The following MT1X variants were observed in gnomAD, a reference collection of about 807,000 sequenced individuals.
MT1X encodes the protein metallothionein 1X.
MT1X carries 7 observed loss-of-function variants against 8.6 expected under a neutral mutation model. The observed-to-expected ratio is 0.81, with a 90% confidence interval of 0.46 to 1.52. The LOEUF (loss-of-function observed/expected upper bound fraction) is 1.52. Among genes scored for constraint, MT1X ranks in the 40% most tolerant of loss-of-function variants. The probability of loss-of-function intolerance (pLI) is 0.01; values close to 1 mark genes in which losing one functional copy is unlikely to be tolerated. For synonymous variants in MT1X, 25 were observed against 27.6 expected (o/e 0.91, Z 0.30); for missense variants, 72 against 74.3 (o/e 0.97, Z 0.11).
chr16:56,682,919 G>C (rs570807481), intron 1 of MT1X: 215 of 602,836 alleles, frequency 3.6e-4, no homozygotes, highest in Admixed American at 2.1e-3. Flanking sequence ...CTGGCCTCCT[G>C]TCTTAGCCTT....
At chr16:56,683,256 T>A in intron 2 of MT1X, 26 bp downstream of exon 2, 1 of 1,613,318 alleles carries the variant, frequency 6.2e-7, no homozygotes, top group Non-Finnish European at 8.5e-7. Flanking sequence ...TCCCTGCGAA[T>A]CTGGGGGATG....
rs528079572 is a variant in MT1X, at chr16:56,683,336, C to G, written c.94+106C>G. ...GGCCAATGACCAGCTTCCCCAAACC[C>G]CTCCTTCAACACCTGATTCAGAATC... On this transcript the variant is annotated intron_variant, in intron 2 of 2. Transcript: ENST00000394485. The G allele has an allele frequency of 1.2e-5, 15 of 1,286,914 alleles. No homozygotes were observed. The East Asian group carries it at 3.6e-4, about 31-fold the overall frequency. The allele number at this position is 1,286,914 out of a possible 1,614,324, so 79.7% of individuals were successfully genotyped here.
chr16:56,683,029 C>T (rs1050772810), intron 1 of MT1X, 136 bp from the exon 2 acceptor site: 8 of 1,049,108 alleles, frequency 7.6e-6, no homozygotes, highest in Admixed American at 4.4e-5. Flanking sequence ...GGCTTCTCTT[C>T]CTCTCCCCTG....
In MT1X at chr16:56,683,238, C is replaced by T; in HGVS notation, c.94+8C>T. The T allele has an allele frequency of 6.2e-7, 1 of 1,613,780 alleles. No individual in the cohort carries two copies. ...GCACCTCCTGCAAGAAGAGTGAGTG[C>T]AGGGCCTTCCCTGCGAATCTGGGGG... On this transcript the variant is annotated splice_region_variant and intron_variant, in intron 2 of 2. Transcript: ENST00000394485.
In MT1X at chr16:56,684,103, A is replaced by AT. The variant is rs34700091; in HGVS notation, c.*74dup. ...AATAGAGCAACCTATATAAACCTGGATTTTTTTTTTTTTTTTTTTTGTACA... is the reference window on the plus strand; with the variant it reads ...AATAGAGCAACCTATATAAACCTGGATTTTTTTTTTTTTTTTTTTTTGTACA... On this transcript the variant is annotated 3_prime_UTR_variant, in exon 3 of 3. Coordinates refer to ENST00000394485, the MANE Select transcript of MT1X (RefSeq NM_005952.4). 50,356 of 1,258,944 alleles carry AT rather than the reference A, an allele frequency of 0.04. 31 individuals are homozygous for AT. Among genetic ancestry groups the AT allele is most frequent in the South Asian group, 0.059 (3,781 of 63,564 alleles). The allele number at this position is 1,258,944 out of a possible 1,614,324, so 78.0% of individuals were successfully genotyped here.
At chr16:56,683,263 G>A (rs1343775616) in intron 2 of MT1X, 33 bp downstream of exon 2, 2 of 1,612,722 alleles carry the variant, frequency 1.2e-6, no homozygotes, top group Non-Finnish European at 1.7e-6. Flanking sequence ...GAATCTGGGG[G>A]ATGGGCCAAG....
intron 1 of MT1X, 22 bp downstream of exon 1, chr16:56,682,590 G>C (rs1397586273): frequency 6.2e-7 from 1 of 1,614,160 alleles, no homozygotes; most frequent in South Asian, 1.1e-5. Flanking sequence ...CTAGCTCCGC[G>C]CCTTGGGATG....
rs758022483 is a variant in MT1X, at chr16:56,683,939, C to T, written c.95-19C>T. The T allele has an allele frequency of 3.7e-6, 6 of 1,613,820 alleles. No homozygotes were observed. The highest frequency in any genetic ancestry group is 5.1e-6 in the Non-Finnish European group (6 of 1,179,914). On this transcript the variant is annotated intron_variant, in intron 2 of 2. Coordinates refer to ENST00000394485, the MANE Select transcript of MT1X (RefSeq NM_005952.4). ...TGATTGAGTCTGCTCTGACCTCTCA[C>T]TCTCCCCTTCTTCTCCAGGCTGCTG...
rs1383859933 is a variant in MT1X, at chr16:56,683,153, T to C, written c.29-12T>C. 2 of 1,613,818 alleles carry C rather than the reference T, an allele frequency of 1.2e-6. No homozygotes were observed. The highest frequency in any genetic ancestry group is 1.7e-6 in the Non-Finnish European group (2 of 1,179,832). ...TCACTCCACGCTCACTGCCTTTTTC[T>C]CTTCCTTGCAGTTGGCTCCTGTGCC... On this transcript the variant is annotated splice_polypyrimidine_tract_variant and intron_variant, in intron 1 of 2. Transcript: ENST00000394485.
intron 1 of MT1X, 126 bp downstream of exon 1, chr16:56,682,694 C>A: frequency 2.5e-6 from 3 of 1,214,260 alleles, no homozygotes; most frequent in Admixed American, 2.0e-5. Context: ...TCGTTAGGTG[C>A]TTTCTTCCCG....
At chr16:56,683,309 C>A in intron 2 of MT1X, 79 bp downstream of exon 2, 1 of 1,554,036 alleles carries the variant, frequency 6.4e-7, no homozygotes, top group Non-Finnish European at 8.9e-7. Context: ...CAGGCAGGGG[C>A]AGGCCAATGA....
At chr16:56,682,677 C>T in intron 1 of MT1X, 109 bp downstream of exon 1, 2 of 1,355,052 alleles carry the variant, frequency 1.5e-6, no homozygotes, top group Non-Finnish European at 2.1e-6. Flanking sequence ...GAAGGGGCTC[C>T]TTTATTTCGT....
chr16:56,683,247 C>T lies in MT1X; in HGVS notation c.94+17C>T. ...GCAAGAAGAGTGAGTGCAGGGCCTT[C>T]CCTGCGAATCTGGGGGATGGGCCAA... is the stretch of plus-strand genomic sequence containing the variant. On this transcript the variant is annotated intron_variant, in intron 2 of 2. Transcript: ENST00000394485. 3.1e-6 allele frequency: 5 copies of T among 1,613,562 alleles called. No homozygotes were observed. Among genetic ancestry groups the T allele is most frequent in the Non-Finnish European group, 4.2e-6 (5 of 1,179,610 alleles).
rs1048013141 is a variant in MT1X, at chr16:56,682,506, C to G, written c.-35C>G. 119 of 1,613,924 alleles carry G rather than the reference C, an allele frequency of 7.4e-5. No individual in the cohort carries two copies. Among genetic ancestry groups the G allele is most frequent in the Non-Finnish European group, 9.5e-5 (112 of 1,179,874 alleles). The stretch of plus-strand genomic sequence containing the variant: ...CATCTGTCCCGCTGCGTGTTTTCCT[C>G]TTGATCGGGAACTCCTGCTTCTCCT... On this transcript the variant is annotated 5_prime_UTR_variant, in exon 1 of 3. Transcript: ENST00000394485.
chr16:56,683,453 G>A, intron 2 of MT1X: 2 of 536,408 alleles, frequency 3.7e-6, no homozygotes, highest in East Asian at 3.5e-5. Context: ...ATAGTGTTGG[G>A]AACAAAGCTG....
In MT1X at chr16:56,684,072, G is replaced by C. The variant is rs368742797; in HGVS notation, c.*23G>C. 1.4e-3 allele frequency: 2,184 copies of C among 1,594,168 alleles called. 33 individuals are homozygous for C. The South Asian group carries it at 0.023, about 17-fold the overall frequency. On this transcript the variant is annotated 3_prime_UTR_variant, in exon 3 of 3. Transcript: ENST00000394485. ...TGATGCCAGGACAGCTGTGCTCTCAGATGTAAATAGAGCAACCTATATAAA... is the reference window on the plus strand; with the variant it reads ...TGATGCCAGGACAGCTGTGCTCTCACATGTAAATAGAGCAACCTATATAAA...
chr16:56,683,884 G>A lies in MT1X; in HGVS notation c.95-74G>A, dbSNP rs546608708. On this transcript the variant is annotated intron_variant, in intron 2 of 2. Transcript: ENST00000394485. ...CTCTGGGGCTGGAGGCAGGGCTCGA[G>A]CCAGGCCTCTGTTGGGGCAGGGAGG... 11 of 1,601,826 alleles carry A rather than the reference G, an allele frequency of 6.9e-6. No individual in the cohort carries two copies. The African/African-American group carries it at 1.5e-4, about 21-fold the overall frequency.
chr16:56,683,427 C>T, intron 2 of MT1X, 197 bp downstream of exon 2: 1 of 593,402 alleles, frequency 1.7e-6, no homozygotes, highest in Admixed American at 3.0e-5. Flanking sequence ...AAACTGAGGC[C>T]CAGAGAGGTT....
chr16:56,682,625 C>A, intron 1 of MT1X, 57 bp downstream of exon 1: 1 of 1,604,078 alleles, frequency 6.2e-7, no homozygotes, highest in Non-Finnish European at 8.5e-7. Flanking sequence ...ACAGTACAGA[C>A]TCTTCCTGGG....
Sources: allele counts gnomAD v4.1 joint callset, GRCh38; gene constraint gnomAD v4.1.1; transcripts MANE v1.5; gene names NCBI Gene and HGNC (gene_info 2026-07-23, HGNC 2026-07-21).